SEC14L6: variants seen among roughly 807,000 people sequenced by gnomAD.
The protein encoded by SEC14L6 is SEC14-like protein 6.
SEC14L6 carries 40 observed loss-of-function variants against 54.1 expected under a neutral mutation model. The ratio of observed to expected loss-of-function variants is 0.74; its 90% CI spans 0.57 to 0.96. The LOEUF (loss-of-function observed/expected upper bound fraction) is 0.96, where lower values mean the gene tolerates loss of function less well. SEC14L6 is among the 40% of genes least tolerant of loss of function. SEC14L6 has a pLI of 0.00. For missense variants in SEC14L6, 471 were observed against 498.3 expected, an observed-to-expected ratio of 0.95 and a Z score of 0.52; for synonymous variants, 171 against 198.4, an observed-to-expected ratio of 0.86 and a Z score of 1.16.
chr22:30,531,724 C>A (rs1330951590), intron 6 of SEC14L6, among the ~76,000 whole-genome samples, 179 bp downstream of exon 6: 1 of 151,208 alleles, frequency 6.6e-6, no homozygotes, highest in East Asian at 1.9e-4. Flanking sequence ...AACTCCATTT[C>A]AAAAAAAAAG....
rs182530357 is a variant in SEC14L6 at position 30,531,755 on chromosome 22, T to C, written c.519+148A>G. The C allele has an allele frequency of 3.4e-3, 2,059 of 609,766 alleles. 12 individuals are homozygous for C. The highest frequency in any genetic ancestry group is 4.7e-3 in the Non-Finnish European group (1,592 of 342,272). The allele number at this position is 609,766 out of a possible 1,614,324, so 37.8% of individuals were successfully genotyped here. A position where few individuals can be genotyped will look rare whatever the true frequency, so the allele number is the denominator to read the frequency against. ...AAAAGTAAGAGCTGCAAACATGGCC[T>C]GTGCAGCTCTTGTGGGCAGTACCTG... On this transcript the variant is annotated intron_variant, in intron 6 of 11. Transcript: ENST00000402034.
Position 30,532,207 on chromosome 22 carries a change from A to G in SEC14L6, c.424-209T>C, listed in dbSNP as rs1008378220. 5 of 985,328 alleles carry G rather than the reference A, an allele frequency of 5.1e-6. No individual in the cohort carries two copies. In the African/African-American group the frequency reaches 7.0e-5, roughly 14 times the overall value. The allele number at this position is 985,328 out of a possible 1,614,324, so 61.0% of individuals were successfully genotyped here. A position where few individuals can be genotyped will look rare whatever the true frequency, so the allele number is the denominator to read the frequency against. On this transcript the variant is annotated intron_variant, in intron 5 of 11. Coordinates refer to ENST00000402034, the MANE Select transcript of SEC14L6 (RefSeq NM_001193336.4). The stretch of plus-strand genomic sequence containing the variant: ...CTTTGTGTCTGTCCATGGGAGGCCA[A>G]ATCGCTGTGTTGCAGTTCCCTCTTC...
At chr22:30,531,696 T>C (rs1196072399) in intron 6 of SEC14L6, among the ~76,000 whole-genome samples, 2 of 152,030 alleles carry the variant, frequency 1.3e-5, no homozygotes, top group Non-Finnish European at 2.9e-5. Context: ...TGCACTCTAG[T>C]CTGGGCAACA....
intron 1 of SEC14L6, among the ~76,000 whole-genome samples, chr22:30,541,436 A>C (rs1056193044): frequency 6.6e-6 from 1 of 152,204 alleles, no homozygotes; most frequent in Admixed American, 6.5e-5. Context: ...AGGTGGGTGG[A>C]TCACTTGAGG....
rs149479913 is a variant in SEC14L6, at chr22:30,532,643, A to G, written c.305T>C (p.Ile102Thr). 2.2e-4 allele frequency: 339 copies of G among 1,550,818 alleles called. 6 individuals are homozygous for G. The East Asian group carries it at 7.5e-3, about 34-fold the overall frequency. ...GCCTTTGGGGTCCAGGCTTCCCACAATGTGGTACCAGACAGGGCTGCCCTC... is the reference window on the plus strand; with the variant it reads ...GCCTTTGGGGTCCAGGCTTCCCACAGTGTGGTACCAGACAGGGCTGCCCTC... Reference protein sequence around the residue: ...DGEGSPVWYHIVGSLDPKGLL... With the variant: ...DGEGSPVWYHTVGSLDPKGLL... Residue 102 changes from isoleucine to threonine, a missense_variant, in exon 5 of 12, where the codon ATT (isoleucine) becomes ACT (threonine). Ile to Thr is a moderately conservative substitution (Grantham distance 89). Coordinates refer to ENST00000402034, the MANE Select transcript of SEC14L6 (RefSeq NM_001193336.4).
intron 8 of SEC14L6, among the ~76,000 whole-genome samples, chr22:30,528,422 C>CCTTTTTTTTTTTTTTTTTTTTTT (rs773969166): frequency 9.5e-6 from 1 of 105,536 alleles, no homozygotes; most frequent in African/African-American, 4.0e-5. Flanking sequence ...CGCTCGGCCT[C>CCTTTTTTTTTTTTTTTTTTTTTT]TTTTTTTTTT....
chr22:30,542,218 G>A (rs1300916117), intron 1 of SEC14L6, among the ~76,000 whole-genome samples: 3 of 152,156 alleles, frequency 2.0e-5, no homozygotes, highest in African/African-American at 7.2e-5. Context: ...GGTCCCCTCC[G>A]GCCCGCACCC....
At chr22:30,542,598 C>G in intron 1 of SEC14L6, 1 of 1,503,808 alleles carries the variant, frequency 6.6e-7, no homozygotes, top group Admixed American at 2.2e-5. Context: ...CGGTCCCCGG[C>G]CGCCTCGGGC....
At chr22:30,545,273 G>A (rs1266325140) in intron 1 of SEC14L6, among the ~76,000 whole-genome samples, 2 of 152,202 alleles carry the variant, frequency 1.3e-5, no homozygotes, top group Admixed American at 6.5e-5. Flanking sequence ...CAGGCCAGCA[G>A]CCTTCACCAG....
intron 1 of SEC14L6, among the ~76,000 whole-genome samples, chr22:30,541,428 G>A (rs1227208403): frequency 6.6e-6 from 1 of 152,226 alleles, no homozygotes; most frequent in African/African-American, 2.4e-5. Context: ...GGAAGCCGAG[G>A]TGGGTGGATC....
chr22:30,543,966 C>T (rs1187273465), intron 1 of SEC14L6: 2 of 1,605,658 alleles, frequency 1.2e-6, no homozygotes, highest in Non-Finnish European at 1.7e-6. Context: ...CGTCGGAGGA[C>T]ACCCTCACCT....
rs1460915716 is a variant in SEC14L6, at chr22:30,522,986, A to C, written c.*2011T>G. On this transcript the variant is annotated 3_prime_UTR_variant, in exon 12 of 12. Transcript: ENST00000402034. Reference sequence around the variant, plus strand: ...CTCAGAGGCATTATGCTGACTAAAGAAAGCCAGAATCAAAAGGCTAAATAT... The same window carrying C: ...CTCAGAGGCATTATGCTGACTAAAGCAAGCCAGAATCAAAAGGCTAAATAT... The C allele has an allele frequency of 2.0e-5, 3 of 152,274 alleles. No individual in the cohort carries two copies. Among genetic ancestry groups the C allele is most frequent in the African/African-American group, 7.2e-5 (3 of 41,476 alleles). 9.4% of individuals were successfully genotyped at this position (152,274 alleles called of 1,614,324 possible). A position where few individuals can be genotyped will look rare whatever the true frequency, so the allele number is the denominator to read the frequency against.
Position 30,525,406 on chromosome 22 carries a change from T to C in SEC14L6, c.1025A>G (p.Tyr342Cys). Reference protein sequence around the residue: ...EMTEVLPSQRYNAHMVPEDGI... With the variant: ...EMTEVLPSQRCNAHMVPEDGI... ...ATCTTCAGGCACCATGTGGGCATTGTAGCGCTGGCTGGGCAGCACCTCTGT... is the reference window on the plus strand; with the variant it reads ...ATCTTCAGGCACCATGTGGGCATTGCAGCGCTGGCTGGGCAGCACCTCTGT... The change falls in exon 11 of 12, where the codon TAC becomes TGC. Residue 342 changes from tyrosine to cysteine, a missense_variant. Transcript: ENST00000402034. 6.2e-7 allele frequency: 1 copy of C among 1,614,198 alleles called. No individual in the cohort carries two copies. The highest frequency in any genetic ancestry group is 1.7e-5 in the Admixed American group (1 of 60,024).
chr22:30,538,450 C>T (rs990123249), intron 2 of SEC14L6, among the ~76,000 whole-genome samples: 8 of 152,246 alleles, frequency 5.3e-5, no homozygotes, highest in East Asian at 3.9e-4. Context: ...TCACTTATGG[C>T]GGGAAGCCAA....
chr22:30,539,034 C>G (rs199944300), intron 1 of SEC14L6, 132 bp from the exon 2 acceptor site: 1 of 610,630 alleles, frequency 1.6e-6, no homozygotes, highest in African/African-American at 1.9e-5. Context: ...GGGTCCGGGT[C>G]AAGCCATAAC....
intron 2 of SEC14L6, among the ~76,000 whole-genome samples, chr22:30,534,607 C>T (rs1301734609): frequency 6.6e-6 from 1 of 151,920 alleles, no homozygotes; most frequent in Non-Finnish European, 1.5e-5. Context: ...GATGGGGTTT[C>T]ACCATGTTGG....
At chr22:30,529,033 C>A (rs1463704040) in intron 8 of SEC14L6, 54 bp downstream of exon 8, 11 of 1,422,866 alleles carry the variant, frequency 7.7e-6, no homozygotes, top group Non-Finnish European at 9.7e-6. Flanking sequence ...GTGAGAAGGA[C>A]CACCCTCAGC....
chr22:30,524,866 T>C lies in SEC14L6; in HGVS notation c.*131A>G, dbSNP rs1319020413. The C allele has an allele frequency of 3.1e-6, 2 of 643,396 alleles. No individual in the cohort carries two copies. Among genetic ancestry groups the C allele is most frequent in the East Asian group, 5.6e-5 (2 of 35,570 alleles). 39.9% of individuals were successfully genotyped at this position (643,396 alleles called of 1,614,324 possible). A position where few individuals can be genotyped will look rare whatever the true frequency, so the allele number is the denominator to read the frequency against. On this transcript the variant is annotated 3_prime_UTR_variant, in exon 12 of 12. Transcript: ENST00000402034. ...TTCCTGAGGAGTGGGCCAGCTGTGATGCATAGGCTGTGACCTGCTGTTGTA... is the reference window on the plus strand; with the variant it reads ...TTCCTGAGGAGTGGGCCAGCTGTGACGCATAGGCTGTGACCTGCTGTTGTA...
At chr22:30,525,323 G>C (rs376352847) in intron 11 of SEC14L6, 27 bp downstream of exon 11, 1 of 1,610,714 alleles carries the variant, frequency 6.2e-7, no homozygotes, top group Non-Finnish European at 8.5e-7. Flanking sequence ...CCCAGCTCCA[G>C]GTAGAGCCAT....
Sources: allele counts gnomAD v4.1 joint callset (sites outside exome capture counted in the v4.1 genomes callset), GRCh38; gene constraint gnomAD v4.1.1; transcripts MANE v1.5; gene names NCBI Gene and HGNC (gene_info 2026-07-23, HGNC 2026-07-21).